CELF2: variants seen among roughly 807,000 people sequenced by gnomAD.
CELF2 encodes CUG triplet repeat RNA-binding protein 2.
A neutral mutation model predicts 62.6 loss-of-function variants in CELF2; 8 were observed. The observed-to-expected ratio is 0.13, with a 90% CI of 0.07 to 0.23. CELF2 has a LOEUF of 0.23. Among genes scored for constraint, CELF2 ranks in the 10% least tolerant of loss-of-function variants. The pLI, the probability that CELF2 is intolerant of heterozygous loss-of-function variation, is 1.00. For missense variants in CELF2, 333 were observed against 671.0 expected (o/e 0.50, Z 5.56); for synonymous variants, 258 against 250.0 (o/e 1.03, Z -0.30).
chr10:11,006,198 G>C (rs886796370), intron 1 of CELF2, among the ~76,000 whole-genome samples: 2 of 152,204 alleles, frequency 1.3e-5, no homozygotes, highest in Admixed American at 6.5e-5. Context: ...AATGGGACCG[G>C]TTGAACAATG....
chr10:11,054,011 AC>A (rs1301320668), intron 1 of CELF2, among the ~76,000 whole-genome samples: 1 of 152,192 alleles, frequency 6.6e-6, no homozygotes, highest in African/African-American at 2.4e-5. Flanking sequence ...TTTGGAAAAT[AC>A]CCCATTTTGA....
At position 11,329,133 on chromosome 10, in the gene CELF2, G is replaced by T; in HGVS notation, c.*80G>T. On this transcript the variant is annotated 3_prime_UTR_variant, in exon 13 of 13. Coordinates refer to ENST00000633077, the MANE Select transcript of CELF2 (RefSeq NM_001326342.2). The surrounding 1 kb of genome is among the most constrained non-coding windows in gnomAD (Gnocchi z 5.5). The stretch of plus-strand genomic sequence containing the variant: ...CGAGCCAGCCTGTCTCAACAGGGAA[G>T]GCAGAGGAGGACCACATTGCCAACT... 1 of 1,440,100 alleles carries T rather than the reference G, an allele frequency of 6.9e-7. No individual in the cohort carries two copies. Among genetic ancestry groups the T allele is most frequent in the South Asian group, 1.4e-5 (1 of 69,160 alleles). The allele number at this position is 1,440,100 out of a possible 1,614,324, so 89.2% of individuals were successfully genotyped here. A position where few individuals can be genotyped will look rare whatever the true frequency, so the allele number is the denominator to read the frequency against.
At position 11,311,424 on chromosome 10, in the gene CELF2, T is replaced by TA. The variant is rs1295172372; in HGVS notation, c.977-2714dup. ...TATTCCTAGAAATAAAGTTCCAAGA[T>TA]ATTTAAGCTCACAACCAAAAAAAAC... On this transcript the variant is annotated intron_variant, in intron 9 of 12. Transcript: ENST00000633077. This position sits in a 1 kb window ranked among gnomAD's most constrained non-coding sequence, Gnocchi z 4.7. 2.6e-5 allele frequency among the ~76,000 whole-genome samples: 4 copies of TA among 152,036 alleles called. No individual in the cohort carries two copies. Among genetic ancestry groups the TA allele is most frequent in the Non-Finnish European group, 5.9e-5 (4 of 68,002 alleles).
At chr10:10,952,701 T>C (rs565365442) in intron 2 of CELF2, among the ~76,000 whole-genome samples, 4 of 150,904 alleles carry the variant, frequency 2.7e-5, no homozygotes, top group Non-Finnish European at 5.9e-5. Flanking sequence ...AGGTGGGGGA[T>C]TGTAGTTATT....
chr10:11,048,080 C>T (rs565035955), intron 1 of CELF2, among the ~76,000 whole-genome samples: 1 of 152,350 alleles, frequency 6.6e-6, no homozygotes, highest in South Asian at 2.1e-4. Flanking sequence ...GTTTGGCCCA[C>T]ACCTCCTCCC....
At chr10:11,064,240 C>A (rs2067506373) in intron 1 of CELF2, among the ~76,000 whole-genome samples, 1 of 152,166 alleles carries the variant, frequency 6.6e-6, no homozygotes, top group Non-Finnish European at 1.5e-5. Context: ...CAAATCATTT[C>A]ACAGTGCTTG....
intron 1 of CELF2, among the ~76,000 whole-genome samples, chr10:10,878,102 C>T (rs2061224454): frequency 6.6e-6 from 1 of 152,184 alleles, no homozygotes; most frequent in East Asian, 1.9e-4. Context: ...TGCTCGCCCG[C>T]CAGCAGGAAT....
At chr10:10,620,485 G>A in the CELF2 span, among the ~76,000 whole-genome samples, 7 of 148,460 alleles carry the variant, frequency 4.7e-5, no homozygotes, top group East Asian at 1.4e-3. Flanking sequence ...AGATTAGTAC[G>A]TTTACCAGAA....
At chr10:11,222,928 A>G (rs1589323532) in intron 3 of CELF2, among the ~76,000 whole-genome samples, 1 of 152,254 alleles carries the variant, frequency 6.6e-6, no homozygotes, top group African/African-American at 2.4e-5. Flanking sequence ...CTATATGCCC[A>G]TAAACATACC....
chr10:10,918,934 C>T (rs2064600927), intron 1 of CELF2, among the ~76,000 whole-genome samples: 1 of 152,146 alleles, frequency 6.6e-6, no homozygotes, highest in Admixed American at 6.5e-5. Context: ...CCTCCTTCTA[C>T]TCATTGTTCC....
chr10:11,023,499 G>T (rs1298753470), intron 1 of CELF2, among the ~76,000 whole-genome samples: 1 of 152,186 alleles, frequency 6.6e-6, no homozygotes, highest in East Asian at 1.9e-4. Context: ...TCATCACCGT[G>T]TAATTGTTCC....
chr10:11,005,278 G>C, upstream of CELF2: 4 of 1,589,854 alleles, frequency 2.5e-6, no homozygotes, highest in Non-Finnish European at 2.6e-6. This position sits in a 1 kb window ranked among gnomAD's most constrained non-coding sequence, Gnocchi z 4.3. Context: ...GAGAGAGAGA[G>C]AGAGAGAGAG....
chr10:10,863,653 C>A (rs1163918697), intron 1 of CELF2, among the ~76,000 whole-genome samples: 1 of 152,104 alleles, frequency 6.6e-6, no homozygotes, highest in Non-Finnish European at 1.5e-5. Context: ...TTTGCACCAA[C>A]CTAATAGATT....
chr10:10,811,568 G>C (rs1301757603), intron 1 of CELF2, among the ~76,000 whole-genome samples: 1 of 152,058 alleles, frequency 6.6e-6, no homozygotes, highest in African/African-American at 2.4e-5. Flanking sequence ...GAGTTGCAGG[G>C]GGTACATGCA....
At chr10:10,846,561 G>T (rs11256861) in intron 1 of CELF2, among the ~76,000 whole-genome samples, 19,073 of 152,198 alleles carry the variant, frequency 0.13, 1,536 homozygotes, top group Non-Finnish European at 0.19. Context: ...TATCACCAGG[G>T]ATAAAGATTT....
rs1033792574 is a variant in CELF2 at position 11,302,692 on chromosome 10, A to G, written c.977-11447A>G. ...ACTTGGTGTGGCAGCTGCTGTGTAT[A>G]GGTTTCCCCGGGAGAGAAAGTAAAA... On this transcript the variant is annotated intron_variant, in intron 9 of 12. Transcript: ENST00000633077. The surrounding 1 kb of genome is among the most constrained non-coding windows in gnomAD (Gnocchi z 5.0). 6.6e-6 allele frequency among the ~76,000 whole-genome samples: 1 copy of G among 152,280 alleles called. No homozygotes were observed. The highest frequency in any genetic ancestry group is 2.1e-4 in the South Asian group (1 of 4,824).
Position 11,005,830 on chromosome 10 carries a change from G to C in CELF2, c.53+390G>C, listed in dbSNP as rs2055157198. Among the ~76,000 whole-genome samples the C allele has an allele frequency of 6.6e-6, 1 of 152,198 alleles. No homozygotes were observed. Among genetic ancestry groups the C allele is most frequent in the Non-Finnish European group, 1.5e-5 (1 of 68,038 alleles). On this transcript the variant is annotated intron_variant, in intron 1 of 12. Transcript: ENST00000416382. This position sits in a 1 kb window ranked among gnomAD's most constrained non-coding sequence, Gnocchi z 4.3. ...GCATGGAATAATCACCGAAAAAGGA[G>C]CTGAGGAGACTCCATATTAGACTTG...
At chr10:10,508,122 A>G in the CELF2 span, among the ~76,000 whole-genome samples, 1 of 152,056 alleles carries the variant, frequency 6.6e-6, no homozygotes, top group African/African-American at 2.4e-5. Context: ...ACTGGTTTAT[A>G]CTGGAACTCC....
At chr10:10,674,434 G>A in the CELF2 span, among the ~76,000 whole-genome samples, 2 of 152,138 alleles carry the variant, frequency 1.3e-5, no homozygotes, top group African/African-American at 4.8e-5. Flanking sequence ...GATTCTTGTA[G>A]AAAACATGCA....
Sources: allele counts gnomAD v4.1 joint callset (sites outside exome capture counted in the v4.1 genomes callset), GRCh38; gene constraint gnomAD v4.1.1; non-coding constraint Gnocchi (gnomAD v3.1); transcripts MANE v1.5; gene names NCBI Gene and HGNC (gene_info 2026-07-23, HGNC 2026-07-21).